SERGEF: variants seen among roughly 807,000 people sequenced by gnomAD.
SERGEF encodes secretion-regulating guanine nucleotide exchange factor.
Under a neutral mutation model 50.0 loss-of-function variants are expected in SERGEF, and 51 were observed. The ratio of observed to expected loss-of-function variants is 1.02; its 90% CI spans 0.81 to 1.29. The LOEUF (loss-of-function observed/expected upper bound fraction) is 1.29, where lower values mean the gene tolerates loss of function less well. SERGEF is among the 50% of genes most tolerant of loss of function. The pLI is 0.00. For missense variants in SERGEF, 521 were observed against 557.0 expected (o/e 0.94, Z 0.65); for synonymous variants, 205 against 212.4 (o/e 0.97, Z 0.30).
At chr11:17,911,236 GGTGA>G (rs1480544871) in intron 9 of SERGEF, among the ~76,000 whole-genome samples, 3 of 150,746 alleles carry the variant, frequency 2.0e-5, no homozygotes, top group Non-Finnish European at 4.4e-5. Context: ...GCAGAGGAAA[GGTGA>G]GTAACTTGTA....
chr11:17,840,520 A>T (rs1204162815), intron 10 of SERGEF, among the ~76,000 whole-genome samples: 1 of 152,194 alleles, frequency 6.6e-6, no homozygotes, highest in East Asian at 1.9e-4. Context: ...GCTAACCTGG[A>T]CACAAAGAGT....
intron 10 of SERGEF, among the ~76,000 whole-genome samples, chr11:17,805,166 T>C (rs1410363489): frequency 1.3e-5 from 2 of 152,226 alleles, no homozygotes; most frequent in East Asian, 1.9e-4. Context: ...CATGGCTCCA[T>C]GGCAGTGTGG....
intron 10 of SERGEF, among the ~76,000 whole-genome samples, chr11:17,841,035 C>G (rs1464345280): frequency 6.6e-6 from 1 of 152,184 alleles, no homozygotes; most frequent in Non-Finnish European, 1.5e-5. Flanking sequence ...CAGACTGTTC[C>G]TGTTCCTTCT....
At chr11:17,943,452 G>A (rs1852598429) in intron 9 of SERGEF, among the ~76,000 whole-genome samples, 1 of 151,964 alleles carries the variant, frequency 6.6e-6, no homozygotes, top group Admixed American at 6.5e-5. Flanking sequence ...TTTGCATTTT[G>A]TGACCTTGTT....
chr11:18,006,487 T>C, intron 3 of SERGEF, 104 bp downstream of exon 3: 1 of 1,223,976 alleles, frequency 8.2e-7, no homozygotes, highest in Non-Finnish European at 1.1e-6. Context: ...TATGTGTGCT[T>C]TTTAAACACA....
intron 10 of SERGEF, among the ~76,000 whole-genome samples, chr11:17,810,027 G>T (rs935288064): frequency 2.6e-5 from 4 of 152,244 alleles, no homozygotes; most frequent in Admixed American, 6.5e-5. Flanking sequence ...AAAGGACCTG[G>T]AGAGAAGTGG....
chr11:17,935,928 G>A (rs1015010018), intron 9 of SERGEF, among the ~76,000 whole-genome samples: 20 of 152,136 alleles, frequency 1.3e-4, no homozygotes, highest in Non-Finnish European at 2.8e-4. Flanking sequence ...AGGATTAGAG[G>A]TTACAATTGA....
intron 9 of SERGEF, among the ~76,000 whole-genome samples, chr11:17,945,926 C>T (rs1487562270): frequency 1.3e-5 from 2 of 151,564 alleles, no homozygotes; most frequent in South Asian, 2.1e-4. Flanking sequence ...TGCAGTGAGC[C>T]GAGATCACAC....
chr11:17,979,085 T>G (rs2133987896), intron 8 of SERGEF, among the ~76,000 whole-genome samples: 1 of 152,306 alleles, frequency 6.6e-6, no homozygotes, highest in African/African-American at 2.4e-5. Context: ...ACCTCCCTTC[T>G]CAAAGACAGA....
chr11:17,878,165 A>G (rs879006545), intron 10 of SERGEF, 43 bp downstream of exon 10: 1 of 1,436,958 alleles, frequency 7.0e-7, no homozygotes, highest in African/African-American at 1.4e-5. Flanking sequence ...ATTCTGCCAC[A>G]TGATTTTCAG....
Position 18,004,555 on chromosome 11 carries a change from A to T in SERGEF, c.353-20T>A. On this transcript the variant is annotated intron_variant, in intron 3 of 10. Transcript: ENST00000265965. ...CATTTTCTGCAAAATACAAATACTT[A>T]AATTGCAAATCTATGAAGTAAGATG... 6.5e-7 allele frequency: 1 copy of T among 1,547,346 alleles called. No homozygotes were observed. The highest frequency in any genetic ancestry group is 2.3e-5 in the East Asian group (1 of 44,138).
chr11:17,815,436 TAAAAAA>T (rs763972184), intron 10 of SERGEF, among the ~76,000 whole-genome samples: 1 of 108,370 alleles, frequency 9.2e-6, no homozygotes, highest in African/African-American at 3.6e-5. Context: ...CCATCTCTAC[TAAAAAA>T]AAAAAAAAAA....
chr11:17,868,886 G>A (rs748937773), intron 10 of SERGEF, among the ~76,000 whole-genome samples: 8 of 152,122 alleles, frequency 5.3e-5, no homozygotes, highest in Non-Finnish European at 1.5e-5. Context: ...GCATGAGAAA[G>A]ACCTGCTCCC....
intron 10 of SERGEF, among the ~76,000 whole-genome samples, chr11:17,827,501 TGCAGTGTATGTTCAAATCCTA>T: frequency 6.6e-6 from 1 of 152,356 alleles, no homozygotes; most frequent in Middle Eastern, 3.4e-3. Flanking sequence ...CTCTGAAATC[TGCAGTGTATGTTCAAATCCTA>T]GCCTATTGTT....
intron 9 of SERGEF, among the ~76,000 whole-genome samples, chr11:17,881,137 TC>T (rs1431240654): frequency 6.6e-6 from 1 of 152,222 alleles, no homozygotes. Flanking sequence ...GTCTGCCTGA[TC>T]TCCAAGCTAG....
intron 10 of SERGEF, among the ~76,000 whole-genome samples, chr11:17,873,486 A>G (rs2133894131): frequency 6.6e-6 from 1 of 152,258 alleles, no homozygotes; most frequent in Middle Eastern, 3.4e-3. Context: ...TTATTTCTCT[A>G]TTTTCCTATT....
intron 10 of SERGEF, among the ~76,000 whole-genome samples, chr11:17,814,014 A>T (rs1444300649): frequency 6.6e-6 from 1 of 152,238 alleles, no homozygotes; most frequent in Non-Finnish European, 1.5e-5. Context: ...CATGCCAGAG[A>T]CAGCATTAAG....
chr11:17,841,979 GAAGT>G (rs879729807), intron 10 of SERGEF, among the ~76,000 whole-genome samples: 1 of 152,184 alleles, frequency 6.6e-6, no homozygotes, highest in African/African-American at 2.4e-5. Flanking sequence ...TTGATCATGT[GAAGT>G]AAGTGAGGAC....
At chr11:17,918,308 C>T (rs1204985690) in intron 9 of SERGEF, among the ~76,000 whole-genome samples, 1 of 152,210 alleles carries the variant, frequency 6.6e-6, no homozygotes, top group Non-Finnish European at 1.5e-5. Context: ...GAGAGAACTA[C>T]TTGTAGAAAC....
Sources: allele counts gnomAD v4.1 joint callset (sites outside exome capture counted in the v4.1 genomes callset), GRCh38; gene constraint gnomAD v4.1.1; transcripts MANE v1.5; gene names NCBI Gene and HGNC (gene_info 2026-07-23, HGNC 2026-07-21).